Variants in SYNE1 observed in about 807,000 individuals in gnomAD.
SYNE1 encodes the protein nesprin-1.
In SYNE1, 616 loss-of-function variants were observed where a neutral mutation model predicts 1,111.0. That is an observed-to-expected ratio of 0.55 (90% CI 0.52 to 0.59). The LOEUF is 0.59. Ranked by LOEUF, SYNE1 falls within the 20% of genes least tolerant of loss-of-function variation. The probability of loss-of-function intolerance (pLI) is 0.00; values close to 1 mark genes in which losing one functional copy is unlikely to be tolerated. For missense variants in SYNE1, 10,006 were observed against 10,417.0 expected, an observed-to-expected ratio of 0.96 and a Z score of 1.72; for synonymous variants, 3,855 against 3,825.8, an observed-to-expected ratio of 1.01 and a Z score of -0.28.
At chr6:152,431,056 CT>C (rs1156658870) in intron 34 of SYNE1, among the ~76,000 whole-genome samples, 1 of 152,194 alleles carries the variant, frequency 6.6e-6, no homozygotes, top group African/African-American at 2.4e-5. Flanking sequence ...TTTTAATTAA[CT>C]GAGCTGGGGA....
intron 11 of SYNE1, among the ~76,000 whole-genome samples, chr6:152,495,927 G>T (rs1268845897): frequency 6.6e-6 from 1 of 152,144 alleles, no homozygotes; most frequent in East Asian, 1.9e-4. Flanking sequence ...TTTTATATTC[G>T]AGTGCTATTT....
intron 32 of SYNE1, among the ~76,000 whole-genome samples, chr6:152,437,926 A>G (rs772587826): frequency 5.9e-5 from 9 of 152,212 alleles, no homozygotes; most frequent in Non-Finnish European, 1.2e-4. Flanking sequence ...TCTCATAGAA[A>G]TATCACGAGT....
In SYNE1 at chr6:152,309,935, T is replaced by A. The variant is rs1328987747; in HGVS notation, c.17102A>T (p.Asp5701Val). The A allele has an allele frequency of 6.2e-7, 1 of 1,614,104 alleles. No individual in the cohort carries two copies. Among genetic ancestry groups the A allele is most frequent in the Non-Finnish European group, 8.5e-7 (1 of 1,180,044 alleles). Residue 5701 changes from aspartate (D) to valine (V), a missense_variant, in exon 90 of 146, where the codon GAT becomes GTT. Transcript: ENST00000367255. ...LCQSALRIPE[D>V]VVASLPLCHA... ...ACAGAGAGGTAAGCTGGCAACCACA[T>A]CCTCGGGGATCCGGAGGGCACTCTG...
At chr6:152,605,006 A>C (rs3102092) in intron 3 of SYNE1, among the ~76,000 whole-genome samples, 1 of 25,582 alleles carries the variant, frequency 3.9e-5, no homozygotes, top group African/African-American at 1.9e-4. Context: ...GAAAGAAAGA[A>C]AGAGAGAGAG....
intron 78 of SYNE1, among the ~76,000 whole-genome samples, chr6:152,328,564 C>T (rs991638040): frequency 1.3e-5 from 2 of 149,174 alleles, no homozygotes; most frequent in African/African-American, 4.9e-5. Context: ...CACCACCAAA[C>T]CCAGCTAATT....
chr6:152,589,737 A>G (rs1436788539), intron 3 of SYNE1, among the ~76,000 whole-genome samples: 2 of 152,138 alleles, frequency 1.3e-5, no homozygotes, highest in Non-Finnish European at 2.9e-5. Flanking sequence ...CTTAATTAAT[A>G]TGAATTGCAG....
At chr6:152,360,771 GATAATT>G (rs1453599078) in intron 64 of SYNE1, among the ~76,000 whole-genome samples, 1 of 152,126 alleles carries the variant, frequency 6.6e-6, no homozygotes, top group Non-Finnish European at 1.5e-5. Context: ...TTATGAAGCA[GATAATT>G]ATAATTATAT....
At chr6:152,335,504 G>A (rs2096365394) in intron 76 of SYNE1, 1 of 151,974 alleles carries the variant, frequency 6.6e-6, no homozygotes, top group Non-Finnish European at 1.5e-5. Flanking sequence ...TTAAAAAAGA[G>A]TTCATGCTTC....
chr6:152,530,050 T>C (rs2154357467), intron 4 of SYNE1, among the ~76,000 whole-genome samples: 1 of 152,294 alleles, frequency 6.6e-6, no homozygotes, highest in East Asian at 1.9e-4. Context: ...GCTCAAGGTC[T>C]CAGGCATAGA....
chr6:152,398,677 T>C lies in SYNE1; in HGVS notation c.7292A>G (p.Glu2431Gly). ...WFLGAKAAAK[E>G]SSDRTGDSKV... ...GCTGTCACCGGTGCGATCTGATGAT[T>C]CTTTTGCTGCTGCCTTTGCTCCCAA... Residue 2431 changes from glutamate (E) to glycine (G), a missense_variant, in exon 49 of 146, where the codon GAA becomes GGA. Glu to Gly is a moderately conservative substitution (Grantham distance 98). Transcript: ENST00000367255. The C allele has an allele frequency of 6.2e-7, 1 of 1,614,062 alleles. No homozygotes were observed. Among genetic ancestry groups the C allele is most frequent in the Non-Finnish European group, 8.5e-7 (1 of 1,179,934 alleles).
intron 105 of SYNE1, among the ~76,000 whole-genome samples, chr6:152,248,026 C>A (rs952462832): frequency 2.0e-5 from 3 of 152,042 alleles, no homozygotes; most frequent in African/African-American, 7.2e-5. Context: ...ATTCTAACAT[C>A]CCTCCCATTT....
At chr6:152,256,277 A>G (rs180904367) in intron 102 of SYNE1, among the ~76,000 whole-genome samples, 5 of 151,112 alleles carry the variant, frequency 3.3e-5, no homozygotes, top group Non-Finnish European at 2.9e-5. Flanking sequence ...AAAATAAAAA[A>G]AAATCAGCCA....
intron 91 of SYNE1, among the ~76,000 whole-genome samples, chr6:152,303,462 T>G (rs1460834313): frequency 6.6e-6 from 1 of 150,902 alleles, no homozygotes; most frequent in Non-Finnish European, 1.5e-5. Flanking sequence ...GTCTTTAAAA[T>G]AATTGTGTAC....
At chr6:152,451,849 G>A (rs2098653863) in intron 25 of SYNE1, among the ~76,000 whole-genome samples, 1 of 152,026 alleles carries the variant, frequency 6.6e-6, no homozygotes. Flanking sequence ...AAGTACAAAA[G>A]CTAGGATTTT....
chr6:152,409,004 C>CAA, intron 44 of SYNE1, 64 bp downstream of exon 44: 2 of 1,533,978 alleles, frequency 1.3e-6, no homozygotes, highest in Non-Finnish European at 9.0e-7. Context: ...ACGCTTTGTC[C>CAA]AAAAATTTGA....
At chr6:152,264,021 C>T (rs554866107) in intron 100 of SYNE1, among the ~76,000 whole-genome samples, 3 of 151,786 alleles carry the variant, frequency 2.0e-5, no homozygotes, top group East Asian at 3.9e-4. Flanking sequence ...CCAGCCTGGG[C>T]AACATGATGA....
At chr6:152,339,664 G>T (rs1417144196) in intron 74 of SYNE1, among the ~76,000 whole-genome samples, 4 of 152,202 alleles carry the variant, frequency 2.6e-5, no homozygotes, top group African/African-American at 9.6e-5. Context: ...TCACATGCCA[G>T]CTTATTTTCC....
At chr6:152,179,671 T>A (rs1219947650) in intron 129 of SYNE1, among the ~76,000 whole-genome samples, 1 of 126,840 alleles carries the variant, frequency 7.9e-6, no homozygotes, top group East Asian at 2.4e-4. Flanking sequence ...ATGCTGGATA[T>A]CCTTTTTTTT....
chr6:152,393,756 CT>C (rs574771404), intron 51 of SYNE1, among the ~76,000 whole-genome samples: 207 of 152,236 alleles, frequency 1.4e-3, no homozygotes, highest in African/African-American at 4.8e-3. Flanking sequence ...ACAAGGAATA[CT>C]GGGCATGTTT....
Sources: gnomAD v4.1 joint callset for allele counts (sites outside exome capture counted in the v4.1 genomes callset) on GRCh38, gnomAD v4.1.1 for gene constraint, MANE v1.5 for transcripts, NCBI Gene and HGNC (gene_info 2026-07-23, HGNC 2026-07-21) for gene names.